The following ARHGAP15 variants were observed in gnomAD, a reference collection of about 807,000 sequenced individuals.
The protein encoded by ARHGAP15 is rho GTPase-activating protein 15.
ARHGAP15 carries 51 observed loss-of-function variants against 63.7 expected under a neutral mutation model. The ratio of observed to expected loss-of-function variants is 0.80; its 90% CI spans 0.64 to 1.01. The LOEUF (loss-of-function observed/expected upper bound fraction) is 1.01. Ranked by LOEUF, ARHGAP15 falls within the 50% of genes least tolerant of loss-of-function variation. The probability of loss-of-function intolerance (pLI) is 0.00; values close to 1 mark genes in which losing one functional copy is unlikely to be tolerated. For missense variants in ARHGAP15, 560 were observed against 564.6 expected (o/e 0.99, Z 0.08); for synonymous variants, 191 against 193.8 (o/e 0.99, Z 0.12).
intron 12 of ARHGAP15, among the ~76,000 whole-genome samples, chr2:143,655,967 T>A (rs566557987): frequency 3.3e-5 from 5 of 152,266 alleles, no homozygotes; most frequent in Non-Finnish European, 5.9e-5. Context: ...CTATGCAGTA[T>A]GTGGTTTTTC....
chr2:143,194,170 C>T (rs1245760910), intron 2 of ARHGAP15, among the ~76,000 whole-genome samples: 1 of 152,096 alleles, frequency 6.6e-6, no homozygotes, highest in African/African-American at 2.4e-5. Flanking sequence ...ATGTTGCTTT[C>T]TTATGAGGTA....
At chr2:143,317,152 C>T (rs1481011928) in intron 6 of ARHGAP15, among the ~76,000 whole-genome samples, 1 of 152,128 alleles carries the variant, frequency 6.6e-6, no homozygotes, top group Admixed American at 6.6e-5. Context: ...TGCCTGTCTT[C>T]ACTTGGAAAT....
chr2:143,190,343 G>A (rs796224972), intron 2 of ARHGAP15, among the ~76,000 whole-genome samples: 34 of 152,206 alleles, frequency 2.2e-4, no homozygotes, highest in African/African-American at 7.0e-4. Flanking sequence ...TTTTCATTGC[G>A]GATATCCAAA....
At chr2:143,146,161 G>A (rs771704959) in intron 1 of ARHGAP15, among the ~76,000 whole-genome samples, 4 of 151,744 alleles carry the variant, frequency 2.6e-5, no homozygotes, top group Non-Finnish European at 5.9e-5. Context: ...CATTAAGAGA[G>A]TGAAAAAGCA....
intron 8 of ARHGAP15, among the ~76,000 whole-genome samples, chr2:143,439,412 G>T (rs13034196): frequency 0.43 from 24,066 of 56,390 alleles, 3,633 homozygotes; most frequent in Middle Eastern, 0.54. Context: ...GACAGAGCAA[G>T]ACTCTGTCTC....
At chr2:143,182,971 C>T (rs1257754636) in intron 2 of ARHGAP15, among the ~76,000 whole-genome samples, 3 of 151,996 alleles carry the variant, frequency 2.0e-5, no homozygotes, top group African/African-American at 7.3e-5. Flanking sequence ...AGGCCAGCTG[C>T]CAGGAATAGA....
intron 11 of ARHGAP15, among the ~76,000 whole-genome samples, chr2:143,559,276 G>A (rs72990842): frequency 2.1e-3 from 319 of 152,258 alleles, no homozygotes; most frequent in African/African-American, 7.1e-3. Context: ...AAAAAAATCT[G>A]CAATGAAAAT....
intron 10 of ARHGAP15, among the ~76,000 whole-genome samples, chr2:143,542,507 C>T (rs1417707587): frequency 6.6e-6 from 1 of 151,526 alleles, no homozygotes; most frequent in African/African-American, 2.4e-5. Flanking sequence ...TCCTATTCGG[C>T]CATCTTGGCT....
At chr2:143,249,584 T>G (rs1261607582) in intron 5 of ARHGAP15, among the ~76,000 whole-genome samples, 1 of 152,120 alleles carries the variant, frequency 6.6e-6, no homozygotes, top group African/African-American at 2.4e-5. Context: ...CCTAGAAAAT[T>G]TATCTGTGGA....
At chr2:143,380,076 G>A (rs2104938772) in intron 6 of ARHGAP15, among the ~76,000 whole-genome samples, 1 of 152,184 alleles carries the variant, frequency 6.6e-6, no homozygotes, top group African/African-American at 2.4e-5. Context: ...TAGCCCTCAA[G>A]CAGATCTAAT....
Position 143,624,754 on chromosome 2 carries a change from A to G in ARHGAP15, c.1138+487A>G, listed in dbSNP as rs1314498766. Among the ~76,000 whole-genome samples the G allele has an allele frequency of 4.6e-5, 7 of 152,344 alleles. No homozygotes were observed. The East Asian group carries it at 1.3e-3, about 29-fold the overall frequency. ...CCTTCACCCACCAACACTAGTAAACAGTCAGCCATAATTTGCTTATGAGCA... is the reference window on the plus strand; with the variant it reads ...CCTTCACCCACCAACACTAGTAAACGGTCAGCCATAATTTGCTTATGAGCA... On this transcript the variant is annotated intron_variant, in intron 12 of 13. Transcript: ENST00000295095.
intron 6 of ARHGAP15, among the ~76,000 whole-genome samples, chr2:143,302,030 G>A (rs1253567369): frequency 6.6e-6 from 1 of 151,950 alleles, no homozygotes; most frequent in Non-Finnish European, 1.5e-5. Context: ...AAATAGGACA[G>A]TGTTTTGTTT....
intron 8 of ARHGAP15, among the ~76,000 whole-genome samples, chr2:143,457,447 T>G (rs1263570714): frequency 6.6e-6 from 1 of 151,830 alleles, no homozygotes; most frequent in Non-Finnish European, 1.5e-5. Context: ...CTGAGGGAAC[T>G]TACTTGAGCC....
intron 2 of ARHGAP15, among the ~76,000 whole-genome samples, chr2:143,198,953 C>G (rs1483671500): frequency 6.6e-6 from 1 of 152,146 alleles, no homozygotes. Flanking sequence ...CATCTTGGAA[C>G]TCTTCCACTC....
chr2:143,487,510 A>T lies in ARHGAP15; in HGVS notation c.826+15A>T. ...ACTTATTAAAGGTACAGGTCATTTT[A>T]TACTTGTACTATAACTGTGATAAAT... On this transcript the variant is annotated intron_variant, in intron 9 of 13. Coordinates refer to ENST00000295095, the MANE Select transcript of ARHGAP15 (RefSeq NM_018460.4). 3 of 1,609,810 alleles carry T rather than the reference A, an allele frequency of 1.9e-6. No individual in the cohort carries two copies. The highest frequency in any genetic ancestry group is 2.5e-6 in the Non-Finnish European group (3 of 1,178,646).
chr2:143,760,308 C>T lies in ARHGAP15; in HGVS notation c.1245-7681C>T, dbSNP rs372536344. 3.6e-4 allele frequency among the ~76,000 whole-genome samples: 55 copies of T among 152,182 alleles called. No homozygotes were observed. In the South Asian group the frequency reaches 6.8e-3, roughly 19 times the overall value. On this transcript the variant is annotated intron_variant, in intron 13 of 13. Coordinates refer to ENST00000295095, the MANE Select transcript of ARHGAP15 (RefSeq NM_018460.4). Reference sequence around the variant, plus strand: ...TAAAATTTGTGATATATTTGAAGCACAGTGATTAGCACATAGAAGGTATTA... The same window carrying T: ...TAAAATTTGTGATATATTTGAAGCATAGTGATTAGCACATAGAAGGTATTA...
At chr2:143,246,679 G>T (rs926738965) in intron 5 of ARHGAP15, among the ~76,000 whole-genome samples, 2 of 151,982 alleles carry the variant, frequency 1.3e-5, no homozygotes, top group Admixed American at 1.3e-4. Flanking sequence ...GCAGGTGGAG[G>T]GGGTGGTTGA....
At chr2:143,310,273 C>G (rs1214925873) in intron 6 of ARHGAP15, among the ~76,000 whole-genome samples, 5 of 151,926 alleles carry the variant, frequency 3.3e-5, no homozygotes, top group Non-Finnish European at 7.4e-5. Context: ...TTTGTTTCAT[C>G]AATAAAAGCT....
chr2:143,285,936 C>T (rs1347673722), intron 6 of ARHGAP15, among the ~76,000 whole-genome samples: 1 of 151,986 alleles, frequency 6.6e-6, no homozygotes, highest in African/African-American at 2.4e-5. Flanking sequence ...TACATCCGTA[C>T]AATATTTTTA....
Sources: gnomAD v4.1 joint callset for allele counts (sites outside exome capture counted in the v4.1 genomes callset) on GRCh38, gnomAD v4.1.1 for gene constraint, MANE v1.5 for transcripts, NCBI Gene and HGNC (gene_info 2026-07-23, HGNC 2026-07-21) for gene names.